Variants in AMMECR1 observed in about 807,000 individuals in gnomAD.
The protein encoded by AMMECR1 is nuclear protein AMMECR1.
Under a neutral mutation model 22.5 loss-of-function variants are expected in AMMECR1, and 3 were observed. The observed-to-expected ratio is 0.13, with a 90% CI of 0.06 to 0.35. The LOEUF (loss-of-function observed/expected upper bound fraction) is 0.35, where lower values mean the gene tolerates loss of function less well. Ranked by LOEUF, AMMECR1 falls within the 10% of genes least tolerant of loss-of-function variation. The probability of loss-of-function intolerance (pLI) is 1.00; values close to 1 mark genes in which losing one functional copy is unlikely to be tolerated. For synonymous variants in AMMECR1, 130 were observed against 116.7 expected (o/e 1.11, Z -0.74); for missense variants, 235 against 278.7 (o/e 0.84, Z 1.12).
At chrX:110,200,526 G>A (rs1263026163) in intron 5 of AMMECR1, among the ~76,000 whole-genome samples, 1 of 111,978 alleles carries the variant, frequency 8.9e-6, no homozygotes, top group African/African-American at 3.2e-5. Context: ...TAGCTCAATT[G>A]TGTTTTTCAG....
At chrX:110,253,348 G>A (rs774213937) in intron 2 of AMMECR1, among the ~76,000 whole-genome samples, 3 of 112,790 alleles carry the variant, frequency 2.7e-5, no homozygotes, top group Admixed American at 9.3e-5. Context: ...GCCAATGGGC[G>A]TTGTTTGTGC....
intron 2 of AMMECR1, among the ~76,000 whole-genome samples, chrX:110,252,651 A>T (rs1338692088): frequency 8.9e-6 from 1 of 112,391 alleles, no homozygotes; most frequent in Non-Finnish European, 1.9e-5. Flanking sequence ...GTAGTAAGAC[A>T]AAGAATTATA....
At chrX:110,247,306 A>G (rs2067663181) in intron 2 of AMMECR1, among the ~76,000 whole-genome samples, 1 of 112,374 alleles carries the variant, frequency 8.9e-6, no homozygotes, top group East Asian at 2.8e-4. Flanking sequence ...CTGTAATCCC[A>G]GCACTTTAGG....
intron 2 of AMMECR1, among the ~76,000 whole-genome samples, chrX:110,387,321 G>A (rs2068462615): frequency 1.8e-5 from 2 of 112,063 alleles, no homozygotes; most frequent in African/African-American, 6.5e-5. Flanking sequence ...TTACAGACAC[G>A]TTTGGTTTGG....
upstream of AMMECR1, among the ~76,000 whole-genome samples, chrX:110,320,871 T>C (rs960262638): frequency 2.7e-5 from 3 of 112,412 alleles, no homozygotes; most frequent in Non-Finnish European, 5.6e-5. Context: ...CTTTGTTGTA[T>C]TGGCTGACTA....
At chrX:110,385,326 C>G (rs1422520796) in intron 2 of AMMECR1, among the ~76,000 whole-genome samples, 1 of 111,901 alleles carries the variant, frequency 8.9e-6, no homozygotes, top group Non-Finnish European at 1.9e-5. Flanking sequence ...CTTTTAAAAA[C>G]AGCTTTATTG....
At chrX:110,349,829 G>A (rs1374647309) in intron 2 of AMMECR1, among the ~76,000 whole-genome samples, 1 of 111,815 alleles carries the variant, frequency 8.9e-6, no homozygotes, top group African/African-American at 3.3e-5. Flanking sequence ...TGTCAAATGT[G>A]TAAGAGGCAG....
chrX:110,357,683 G>T (rs777170763), intron 2 of AMMECR1, among the ~76,000 whole-genome samples: 7 of 112,320 alleles, frequency 6.2e-5, no homozygotes, highest in Non-Finnish European at 9.4e-5. Context: ...TCCAACTGAT[G>T]TGTCAAGGAT....
At chrX:110,265,412 C>T (rs2067763242) in intron 1 of AMMECR1, among the ~76,000 whole-genome samples, 1 of 111,557 alleles carries the variant, frequency 9.0e-6, no homozygotes, top group African/African-American at 3.3e-5. Context: ...GTATTACCTG[C>T]AAATACAATC....
intron 1 of AMMECR1, among the ~76,000 whole-genome samples, chrX:110,431,415 G>C (rs150775423): frequency 0.012 from 1,363 of 109,993 alleles, 14 homozygotes; most frequent in African/African-American, 0.043. Flanking sequence ...GAGTGGGATT[G>C]GGAGAGAGAG....
chrX:110,352,536 G>A (rs182473175), intron 2 of AMMECR1, among the ~76,000 whole-genome samples: 21 of 112,034 alleles, frequency 1.9e-4, no homozygotes, highest in African/African-American at 6.5e-4. Context: ...TGCCCTAGGG[G>A]TGGGGTGGAG....
At chrX:110,218,875 T>C (rs969546066) in intron 2 of AMMECR1, among the ~76,000 whole-genome samples, 9 of 111,846 alleles carry the variant, frequency 8.0e-5, no homozygotes, top group Non-Finnish European at 1.5e-4. Context: ...CTGGACATTC[T>C]GTATAAATGA....
chrX:110,420,599 A>C (rs907813604), intron 2 of AMMECR1, among the ~76,000 whole-genome samples: 5 of 112,307 alleles, frequency 4.5e-5, no homozygotes, highest in Non-Finnish European at 9.4e-5. Context: ...GGACTTAAAC[A>C]AACTTTCAGT....
intron 2 of AMMECR1, among the ~76,000 whole-genome samples, chrX:110,375,377 C>G (rs2068368963): frequency 8.9e-6 from 1 of 111,934 alleles, no homozygotes; most frequent in African/African-American, 3.3e-5. Flanking sequence ...CAACTTTGTG[C>G]AGATTACTTA....
At chrX:110,336,876 A>T (rs1262524554) in intron 2 of AMMECR1, among the ~76,000 whole-genome samples, 1 of 111,643 alleles carries the variant, frequency 9.0e-6, no homozygotes, top group Non-Finnish European at 1.9e-5. Context: ...ACCCCCAGGA[A>T]TGAGAGATAG....
At chrX:110,394,355 G>A (rs1391428853) in intron 2 of AMMECR1, among the ~76,000 whole-genome samples, 1 of 111,349 alleles carries the variant, frequency 9.0e-6, no homozygotes, top group Non-Finnish European at 1.9e-5. Context: ...GGATTCAGGT[G>A]ATCCTCCCAC....
chrX:110,217,620 TA>T (rs1456621224), intron 2 of AMMECR1, among the ~76,000 whole-genome samples: 2 of 110,267 alleles, frequency 1.8e-5, no homozygotes, highest in Admixed American at 1.9e-4. Flanking sequence ...CCTACTATAT[TA>T]ATGGCACTAC....
intron 2 of AMMECR1, among the ~76,000 whole-genome samples, chrX:110,360,733 T>C (rs181868066): frequency 6.4e-4 from 71 of 111,334 alleles, no homozygotes; most frequent in African/African-American, 2.3e-3. Context: ...AGTTGACATT[T>C]GGAGGCAAGG....
intron 2 of AMMECR1, among the ~76,000 whole-genome samples, chrX:110,426,469 T>A (rs760130312): frequency 4.5e-5 from 5 of 111,940 alleles, no homozygotes; most frequent in African/African-American, 1.6e-4. Context: ...TTTTTAGACA[T>A]TTTAAATCTA....
Sources: gnomAD v4.1 joint callset for allele counts (sites outside exome capture counted in the v4.1 genomes callset) on GRCh38, gnomAD v4.1.1 for gene constraint, MANE v1.5 for transcripts, NCBI Gene and HGNC (gene_info 2026-07-23, HGNC 2026-07-21) for gene names.